Variants in IGF1R observed in about 807,000 individuals in gnomAD.
IGF1R encodes the protein insulin like growth factor 1 receptor.
A neutral mutation model predicts 144.6 loss-of-function variants in IGF1R; 44 were observed. The observed-to-expected ratio is 0.30, with a 90% CI of 0.24 to 0.39. IGF1R has a LOEUF of 0.39. Ranked by LOEUF, IGF1R falls within the 10% of genes least tolerant of loss-of-function variation. The probability of loss-of-function intolerance (pLI) is 1.00; values close to 1 mark genes in which losing one functional copy is unlikely to be tolerated. For synonymous variants in IGF1R, 795 were observed against 722.8 expected, an observed-to-expected ratio of 1.10 and a Z score of -1.60; for missense variants, 1,355 against 1,833.7, an observed-to-expected ratio of 0.74 and a Z score of 4.77.
intron 2 of IGF1R, among the ~76,000 whole-genome samples, chr15:98,889,767 T>C (rs985991118): frequency 6.6e-6 from 1 of 152,242 alleles, no homozygotes; most frequent in Non-Finnish European, 1.5e-5. Flanking sequence ...TTTACTTGTT[T>C]GTGATCTCTG....
At position 98,836,231 on chromosome 15, in the gene IGF1R, T is replaced by TA. The variant is rs2057098411; in HGVS notation, c.641-55093dup. The stretch of plus-strand genomic sequence containing the variant: ...TTTTATTTTGAAATAATTTTAGACT[T>TA]ACAAAAAAGTTGAAAAAGCATCCAG... On this transcript the variant is annotated intron_variant, in intron 2 of 20. Coordinates refer to ENST00000650285, the MANE Select transcript of IGF1R (RefSeq NM_000875.5). 2.0e-5 allele frequency among the ~76,000 whole-genome samples: 3 copies of TA among 151,886 alleles called. No individual in the cohort carries two copies. In the South Asian group the frequency reaches 6.2e-4, roughly 32 times the overall value.
chr15:98,856,245 C>T (rs1190693113), intron 2 of IGF1R, among the ~76,000 whole-genome samples: 2 of 152,222 alleles, frequency 1.3e-5, no homozygotes, highest in African/African-American at 4.8e-5. Context: ...TCCTTGTAGA[C>T]GAGGACAATC....
chr15:98,764,180 G>C (rs1355286119), intron 2 of IGF1R, among the ~76,000 whole-genome samples: 1 of 152,154 alleles, frequency 6.6e-6, no homozygotes. Context: ...ACTTAGTAGA[G>C]CTTTTAATTA....
intron 1 of IGF1R, among the ~76,000 whole-genome samples, chr15:98,674,312 A>G (rs747168493): frequency 1.1e-4 from 17 of 152,212 alleles, no homozygotes; most frequent in Non-Finnish European, 2.2e-4. Context: ...TTCACTCTTG[A>G]ATGCCTGCTA....
At chr15:98,956,089 T>C (rs2016969390) in intron 20 of IGF1R, among the ~76,000 whole-genome samples, 2 of 152,218 alleles carry the variant, frequency 1.3e-5, no homozygotes, top group African/African-American at 4.8e-5. Context: ...TTCTGGAAGC[T>C]TGTCAAAGCC....
At chr15:98,919,059 TC>T (rs1489024025) in intron 10 of IGF1R, among the ~76,000 whole-genome samples, 4 of 152,146 alleles carry the variant, frequency 2.6e-5, no homozygotes, top group Non-Finnish European at 5.9e-5. Flanking sequence ...CACTGGTGGT[TC>T]CTAGAAAGCA....
rs2017225186 is a variant in IGF1R at position 98,961,507 on chromosome 15, A to G, written c.*4065A>G. 5 of 233,482 alleles carry G rather than the reference A, an allele frequency of 2.1e-5. No individual in the cohort carries two copies. The South Asian group carries it at 7.2e-4, about 34-fold the overall frequency. 14.5% of individuals were successfully genotyped at this position (233,482 alleles called of 1,614,324 possible). A position where few individuals can be genotyped will look rare whatever the true frequency, so the allele number is the denominator to read the frequency against. Reference sequence around the variant, plus strand: ...ATCATCTATCCACAGTTCTAGCCTAACTTCATGCTGATTTCTCTGCCTCTT... The same window carrying G: ...ATCATCTATCCACAGTTCTAGCCTAGCTTCATGCTGATTTCTCTGCCTCTT... On this transcript the variant is annotated 3_prime_UTR_variant, in exon 21 of 21. Coordinates refer to ENST00000650285, the MANE Select transcript of IGF1R (RefSeq NM_000875.5).
At chr15:98,688,983 G>T (rs996098531) in intron 1 of IGF1R, among the ~76,000 whole-genome samples, 1 of 152,130 alleles carries the variant, frequency 6.6e-6, no homozygotes, top group African/African-American at 2.4e-5. Flanking sequence ...GGTGGGCGAC[G>T]ACTTTGGCTG....
chr15:98,705,457 T>C (rs901983655), intron 1 of IGF1R, among the ~76,000 whole-genome samples: 2 of 152,232 alleles, frequency 1.3e-5, no homozygotes, highest in Non-Finnish European at 2.9e-5. Context: ...TATAAGTGAC[T>C]TGACTTCCCC....
Position 98,916,025 on chromosome 15 carries a change from G to A in IGF1R, c.1890G>A (p.Lys630=). The A allele has an allele frequency of 6.2e-7, 1 of 1,614,184 alleles. No homozygotes were observed. The highest frequency in any genetic ancestry group is 8.5e-7 in the Non-Finnish European group (1 of 1,180,024). The change falls in exon 9 of 21, where the codon AAG becomes AAA. Residue 630 remains lysine (K), a synonymous_variant. Coordinates refer to ENST00000650285, the MANE Select transcript of IGF1R (RefSeq NM_000875.5). ...ASNSSSQLIV[K]WNPPSLPNGN... is the part of the protein sequence containing the mutation. ...ACTCCTCTTCTCAGTTAATCGTGAA[G>A]TGGAACCCTCCCTCTCTGCCCAACG...
intron 2 of IGF1R, among the ~76,000 whole-genome samples, chr15:98,838,360 A>G (rs1281515499): frequency 6.6e-6 from 1 of 152,248 alleles, no homozygotes; most frequent in Non-Finnish European, 1.5e-5. Context: ...GTGACCCTGA[A>G]GATCCTCTGC....
At chr15:98,906,359 C>G (rs2014731437) in intron 5 of IGF1R, among the ~76,000 whole-genome samples, 1 of 152,210 alleles carries the variant, frequency 6.6e-6, no homozygotes, top group South Asian at 2.1e-4. Context: ...TCTTCATCAA[C>G]AAGGAGATTT....
At chr15:98,910,763 A>C in intron 6 of IGF1R, among the ~76,000 whole-genome samples, 1 of 152,198 alleles carries the variant, frequency 6.6e-6, no homozygotes, top group East Asian at 1.9e-4. Flanking sequence ...CCCTAGCTGG[A>C]GGCCTCACAG....
At position 98,750,847 on chromosome 15, in the gene IGF1R, C is replaced by T. The variant is rs112289823; in HGVS notation, c.640+42740C>T. Among the ~76,000 whole-genome samples the T allele has an allele frequency of 8.8e-3, 1,342 of 152,062 alleles. 23 individuals carry two copies. Among genetic ancestry groups the T allele is most frequent in the African/African-American group, 0.03 (1,261 of 41,498 alleles). The stretch of plus-strand genomic sequence containing the variant: ...TGTCACCCAGGTTGGAGTGCAATGG[C>T]GTGATCACTACTCACTGCAGCCTCT... On this transcript the variant is annotated intron_variant, in intron 2 of 20. Transcript: ENST00000650285.
At chr15:98,681,261 C>T (rs2053182146) in intron 1 of IGF1R, among the ~76,000 whole-genome samples, 1 of 152,210 alleles carries the variant, frequency 6.6e-6, no homozygotes, top group African/African-American at 2.4e-5. Flanking sequence ...GGCTGCACTA[C>T]TTTCTGCCTG....
At position 98,929,579 on chromosome 15, in the gene IGF1R, A is replaced by G; in HGVS notation, c.2804A>G (p.His935Arg). ...QAKTGYENFI[H>R]LIIALPVAVL... ...GCAGCAGGATATGAAAACTTCATCC[A>G]TCTGATCATCGCTCTGCCCGTCGCT... The change falls in exon 14 of 21, where the codon CAT (histidine) becomes CGT (arginine). Residue 935 changes from histidine (H) to arginine (R), a missense_variant. His to Arg is a conservative substitution (Grantham distance 29, BLOSUM62 0). Around this residue, in one of 7 missense-constraint regions of IGF1R, gnomAD observed 880 missense variants for 1,202.7 expected, o/e 0.73. Coordinates refer to ENST00000650285, the MANE Select transcript of IGF1R (RefSeq NM_000875.5). The G allele has an allele frequency of 6.2e-7, 1 of 1,614,088 alleles. No homozygotes were observed. The highest frequency in any genetic ancestry group is 1.1e-5 in the South Asian group (1 of 91,086).
intron 1 of IGF1R, among the ~76,000 whole-genome samples, chr15:98,690,720 C>G (rs2053456529): frequency 6.6e-6 from 1 of 152,150 alleles, no homozygotes; most frequent in Non-Finnish European, 1.5e-5. Flanking sequence ...CTGCTACTCT[C>G]CCCAGTCTGC....
chr15:98,818,579 C>T (rs2056742529), intron 2 of IGF1R, among the ~76,000 whole-genome samples: 1 of 148,014 alleles, frequency 6.8e-6, no homozygotes, highest in African/African-American at 2.5e-5. Context: ...TGGGGAGTGG[C>T]AGGGCGGGGG....
At chr15:98,684,751 G>C (rs1001050490) in intron 1 of IGF1R, among the ~76,000 whole-genome samples, 4 of 152,028 alleles carry the variant, frequency 2.6e-5, no homozygotes, top group African/African-American at 9.7e-5. Flanking sequence ...CTGAGAGAGC[G>C]CATGTGGGAT....
Sources: gnomAD v4.1 joint callset for allele counts (sites outside exome capture counted in the v4.1 genomes callset) on GRCh38, gnomAD v4.1.1 for gene constraint, gnomAD v4.1.1 regional missense constraint, MANE v1.5 for transcripts, NCBI Gene and HGNC (gene_info 2026-07-23, HGNC 2026-07-21) for gene names.